The following MCAM variants were observed in gnomAD, a reference collection of about 807,000 sequenced individuals.
The protein encoded by MCAM is cell surface glycoprotein MUC18.
In MCAM, 55 loss-of-function variants were observed where a neutral mutation model predicts 79.1. The observed-to-expected ratio is 0.70, with a 90% CI of 0.56 to 0.87. The LOEUF (loss-of-function observed/expected upper bound fraction) is 0.87, where lower values mean the gene tolerates loss of function less well. Among genes scored for constraint, MCAM ranks in the 40% least tolerant of loss-of-function variants. The pLI is 0.00. For synonymous variants in MCAM, 330 were observed against 339.8 expected (o/e 0.97, Z 0.32); for missense variants, 745 against 839.8 (o/e 0.89, Z 1.40).
rs1950236442 is a variant in MCAM, at chr11:119,311,699, TC to T, written c.1286-49del. ...AGGTGGCAAGCCCAGCTAGCCTGCC[TC>T]CCCCTCCGCACCAGAGCTCCCCAGG... On this transcript the variant is annotated intron_variant, in intron 10 of 15. Transcript: ENST00000264036. The surrounding 1 kb of genome is among the most constrained non-coding windows in gnomAD (Gnocchi z 4.4). 6.2e-7 allele frequency: 1 copy of T among 1,609,540 alleles called. No individual in the cohort carries two copies.
Position 119,311,840 on chromosome 11 carries a change from T to C in MCAM, c.1253A>G (p.Asn418Ser), listed in dbSNP as rs1391298330. ...GGCCACGTTGACCAGCTGTGTGCGG[T>C]TCAGGCCGGGTATGCTGGGCACAGA... Reference protein sequence around the residue: ...VASVPSIPGLNRTQLVNVAIF... With the variant: ...VASVPSIPGLSRTQLVNVAIF... The change falls in exon 10 of 16, where the codon AAC (asparagine) becomes AGC (serine). Residue 418 changes from asparagine (N) to serine (S), a missense_variant. Asn to Ser is a conservative substitution (Grantham distance 46). Coordinates refer to ENST00000264036, the MANE Select transcript of MCAM (RefSeq NM_006500.3). This position sits in a 1 kb window ranked among gnomAD's most constrained non-coding sequence, Gnocchi z 4.4. 6.2e-7 allele frequency: 1 copy of C among 1,614,108 alleles called. No homozygotes were observed. The highest frequency in any genetic ancestry group is 2.2e-5 in the East Asian group (1 of 44,876).
rs759982576 is a variant in MCAM at position 119,314,839 on chromosome 11, C to T, written c.394G>A (p.Val132Ile). ...CAGACACAGGGTCACGCACTGTAGA[C>T]GCGGAGCTGGATGCGGTACTCCTGG... ...RSQEYRIQLR[V>I]YKAPEEPNIQ... The change falls in exon 3 of 16, where the codon GTC (valine) becomes ATC (isoleucine). Residue 132 changes from valine to isoleucine, a missense_variant. By Grantham distance (29) the Val-to-Ile change is conservative. Transcript: ENST00000264036. The T allele has an allele frequency of 1.6e-5, 26 of 1,613,746 alleles. No individual in the cohort carries two copies. The East Asian group carries it at 5.3e-4, about 33-fold the overall frequency.
At chr11:119,314,806 C>T (rs1471781330) in intron 3 of MCAM, 27 bp downstream of exon 3, 1 of 1,613,398 alleles carries the variant, frequency 6.2e-7, no homozygotes, top group African/African-American at 1.3e-5. Flanking sequence ...CCCTCACTAC[C>T]CTGCTGGCAG....
chr11:119,314,026 C>T, intron 5 of MCAM: 1 of 982,852 alleles, frequency 1.0e-6, no homozygotes, highest in Non-Finnish European at 1.2e-6. Context: ...GGGGGGGTCT[C>T]AGGCAAGAAG....
At chr11:119,313,326 T>A in intron 5 of MCAM, 1 of 1,304,862 alleles carries the variant, frequency 7.7e-7, no homozygotes, top group Non-Finnish European at 1.0e-6. Context: ...AAACATTGTA[T>A]AAAAGAAATT....
chr11:119,314,454 C>T (rs755617205), intron 5 of MCAM, 35 bp downstream of exon 5: 22 of 1,584,918 alleles, frequency 1.4e-5, no homozygotes, highest in Admixed American at 1.7e-5. Flanking sequence ...CCACACCTGG[C>T]CCAAGGGTGG....
chr11:119,308,904 CGGG>C lies in MCAM; in HGVS notation c.*979_*981del, dbSNP rs1176873041. On this transcript the variant is annotated 3_prime_UTR_variant, in exon 16 of 16. Coordinates refer to ENST00000264036, the MANE Select transcript of MCAM (RefSeq NM_006500.3). ...GAGGGCTATGGGAGCCAAGTGAACA[CGGG>C]GGATTGAGGCTAATTCACCTGAACT... The C allele has an allele frequency of 6.6e-6, 1 of 152,202 alleles. No individual in the cohort carries two copies. Among genetic ancestry groups the C allele is most frequent in the African/African-American group, 2.4e-5 (1 of 41,426 alleles). The allele number at this position is 152,202 out of a possible 1,614,324, so 9.4% of individuals were successfully genotyped here. A position where few individuals can be genotyped will look rare whatever the true frequency, so the allele number is the denominator to read the frequency against.
At chr11:119,314,658 C>A (rs1373763832) in intron 4 of MCAM, 21 bp downstream of exon 4, 2 of 1,613,470 alleles carry the variant, frequency 1.2e-6, no homozygotes, top group Admixed American at 1.7e-5. Context: ...AGCTGCCCAG[C>A]CCACCTGCCA....
Position 119,311,525 on chromosome 11 carries a change from C to T in MCAM, c.1407+5G>A. 6.2e-7 allele frequency: 1 copy of T among 1,614,120 alleles called. No homozygotes were observed. Among genetic ancestry groups the T allele is most frequent in the Non-Finnish European group, 8.5e-7 (1 of 1,179,986 alleles). On this transcript the variant is annotated splice_donor_5th_base_variant and intron_variant, in intron 11 of 15. Transcript: ENST00000264036. This position sits in a 1 kb window ranked among gnomAD's most constrained non-coding sequence, Gnocchi z 4.4. Reference sequence around the variant, plus strand: ...GAGAGTGTGGCAGATGAGACACCCGCTCACCGTGCCGTTGACGTTCCAGGA... The same window carrying T: ...GAGAGTGTGGCAGATGAGACACCCGTTCACCGTGCCGTTGACGTTCCAGGA...
At position 119,312,473 on chromosome 11, in the gene MCAM, C is replaced by T. The variant is rs1950248508; in HGVS notation, c.862-45G>A. The T allele has an allele frequency of 6.2e-7, 1 of 1,613,666 alleles. No individual in the cohort carries two copies. The highest frequency in any genetic ancestry group is 1.3e-5 in the African/African-American group (1 of 74,864). The stretch of plus-strand genomic sequence containing the variant: ...TGAGCAGAGTGCACCTCCCGCCACT[C>T]CACCTGGGTCTCTGCTTGCATCCCC... On this transcript the variant is annotated intron_variant, in intron 7 of 15. Coordinates refer to ENST00000264036, the MANE Select transcript of MCAM (RefSeq NM_006500.3). The surrounding 1 kb of genome is among the most constrained non-coding windows in gnomAD (Gnocchi z 4.9).
chr11:119,311,756 A>T lies in MCAM; in HGVS notation c.1285+52T>A. 1 of 1,609,106 alleles carries T rather than the reference A, an allele frequency of 6.2e-7. No individual in the cohort carries two copies. The highest frequency in any genetic ancestry group is 8.5e-7 in the Non-Finnish European group (1 of 1,176,836). On this transcript the variant is annotated intron_variant, in intron 10 of 15. Coordinates refer to ENST00000264036, the MANE Select transcript of MCAM (RefSeq NM_006500.3). This position sits in a 1 kb window ranked among gnomAD's most constrained non-coding sequence, Gnocchi z 4.4. ...AGGTGGCTTTTTGTCAAAGAGCTTA[A>T]AAACCACCCCACTTGGGGTGACCTG...
Position 119,310,775 on chromosome 11 carries a change from G to A in MCAM, c.1774C>T (p.Arg592Cys), listed in dbSNP as rs1950220338. 5 of 1,614,058 alleles carry A rather than the reference G, an allele frequency of 3.1e-6. No homozygotes were observed. The highest frequency in any genetic ancestry group is 1.1e-5 in the South Asian group (1 of 91,088). Reference sequence around the variant, plus strand: ...GCTTACATCTCCTGCTTCCCTGAGCGCCTGCACGGCAGCTTGCCCTTCTTA... The same window carrying A: ...GCTTACATCTCCTGCTTCCCTGAGCACCTGCACGGCAGCTTGCCCTTCTTA... ...LYKKGKLPCRRSGKQEITLPP... is the reference protein window; with the variant it reads ...LYKKGKLPCRCSGKQEITLPP... The change falls in exon 14 of 16, where the codon CGC becomes TGC. Residue 592 changes from arginine (R) to cysteine (C), a missense_variant. Coordinates refer to ENST00000264036, the MANE Select transcript of MCAM (RefSeq NM_006500.3).
rs769430965 is a variant in MCAM, at chr11:119,312,490, T to C, written c.861+37A>G. The C allele has an allele frequency of 1.2e-6, 2 of 1,613,980 alleles. No individual in the cohort carries two copies. The highest frequency in any genetic ancestry group is 4.5e-5 in the East Asian group (2 of 44,868). On this transcript the variant is annotated intron_variant, in intron 7 of 15. Transcript: ENST00000264036. The surrounding 1 kb of genome is among the most constrained non-coding windows in gnomAD (Gnocchi z 4.9). ...CCGCCACTCCACCTGGGTCTCTGCT[T>C]GCATCCCCACCTGCACCCAGCACAA...
Position 119,311,915 on chromosome 11 carries a change from T to G in MCAM, c.1178A>C (p.Gln393Pro). The G allele has an allele frequency of 6.2e-7, 1 of 1,613,958 alleles. No individual in the cohort carries two copies. Among genetic ancestry groups the G allele is most frequent in the Middle Eastern group, 1.6e-4 (1 of 6,062 alleles). ...TGCCTCCCGTTTCAGGTCATGCAAC[T>G]GAAGCACAGGCCCCCTTTCCAGCAC... The part of the protein sequence containing the change: ...GQVLERGPVL[Q>P]LHDLKREAGG... The change falls in exon 10 of 16, where the codon CAG (glutamine) becomes CCG (proline). Residue 393 changes from glutamine (Q) to proline (P), a missense_variant. By Grantham distance (76) the Gln-to-Pro change is moderately conservative. Transcript: ENST00000264036. The surrounding 1 kb of genome is among the most constrained non-coding windows in gnomAD (Gnocchi z 4.4).
rs1233872478 is a variant in MCAM, at chr11:119,313,246, C to A, written c.560-297G>T. 4 of 1,397,546 alleles carry A rather than the reference C, an allele frequency of 2.9e-6. No homozygotes were observed. In the East Asian group the frequency reaches 1.5e-4, roughly 51 times the overall value. The allele number at this position is 1,397,546 out of a possible 1,614,324, so 86.6% of individuals were successfully genotyped here. A position where few individuals can be genotyped will look rare whatever the true frequency, so the allele number is the denominator to read the frequency against. On this transcript the variant is annotated intron_variant, in intron 5 of 15. Coordinates refer to ENST00000264036, the MANE Select transcript of MCAM (RefSeq NM_006500.3). ...AAATGGGGAATGGTGAACTCGACTA[C>A]CTGCTATGCGTAGTATGGAAAACTT... is the stretch of plus-strand genomic sequence containing the variant.
chr11:119,311,233 G>A lies in MCAM; in HGVS notation c.1549+47C>T, dbSNP rs748724154. On this transcript the variant is annotated intron_variant, in intron 12 of 15. Transcript: ENST00000264036. The surrounding 1 kb of genome is among the most constrained non-coding windows in gnomAD (Gnocchi z 4.4). Reference sequence around the variant, plus strand: ...TTAGGAGAAGCGCAAGTTACTGCCCGTGCCTGGGCCTGCCCCTGCCATCCC... The same window carrying A: ...TTAGGAGAAGCGCAAGTTACTGCCCATGCCTGGGCCTGCCCCTGCCATCCC... The A allele has an allele frequency of 2.9e-5, 46 of 1,612,872 alleles. No individual in the cohort carries two copies. The highest frequency in any genetic ancestry group is 1.5e-4 in the South Asian group (14 of 91,070).
Position 119,312,104 on chromosome 11 carries a change from G to T in MCAM, c.1091C>A (p.Thr364Asn). The T allele has an allele frequency of 2.5e-6, 4 of 1,613,660 alleles. No individual in the cohort carries two copies. Among genetic ancestry groups the T allele is most frequent in the Non-Finnish European group, 3.4e-6 (4 of 1,179,844 alleles). The change falls in exon 9 of 16, where the codon ACC (threonine) becomes AAC (asparagine). Residue 364 changes from threonine (T) to asparagine (N), a missense_variant. Thr to Asn is a moderately conservative substitution (Grantham distance 65). Transcript: ENST00000264036. This position sits in a 1 kb window ranked among gnomAD's most constrained non-coding sequence, Gnocchi z 4.9. Reference sequence around the variant, plus strand: ...GTCCTGGCTACTCTCTGCCTCACAGGTCAGGGTGAGGCTGCTGCCTTCCTG... The same window carrying T: ...GTCCTGGCTACTCTCTGCCTCACAGTTCAGGGTGAGGCTGCTGCCTTCCTG... ...ERQEGSSLTL[T>N]CEAESSQDLE...
In MCAM at chr11:119,311,149, GT is replaced by G; in HGVS notation, c.1585del (p.Thr529ProfsTer37). Reference protein sequence around the residue: ...LTTLTPDSNTTTGLSTSTASP... With the variant: ...LTTLTPDSNTXTGLSTSTASP... ...GGCAGTGGAAGTGCTGAGGCCAGTG[GT>G]TGTGTTGGAGTCTGGTGTGAGGGTG... On this transcript the variant is annotated frameshift_variant, in exon 13 of 16. Transcript: ENST00000264036. LOFTEE classifies it high-confidence loss of function. This position sits in a 1 kb window ranked among gnomAD's most constrained non-coding sequence, Gnocchi z 4.4. The G allele has an allele frequency of 2.5e-6, 4 of 1,614,232 alleles. No homozygotes were observed. The highest frequency in any genetic ancestry group is 3.4e-6 in the Non-Finnish European group (4 of 1,180,036).
At chr11:119,309,939 G>A in intron 15 of MCAM, 24 bp from the exon 16 acceptor site, 1 of 1,593,320 alleles carries the variant, frequency 6.3e-7, no homozygotes, top group Admixed American at 1.7e-5. Context: ...GAGGAGAAGA[G>A]GGGAACACGG....
Sources: allele counts gnomAD v4.1 joint callset, GRCh38; gene constraint gnomAD v4.1.1; non-coding constraint Gnocchi (gnomAD v3.1); transcripts MANE v1.5; gene names NCBI Gene and HGNC (gene_info 2026-07-23, HGNC 2026-07-21).